AGBL2: variants seen among roughly 807,000 people sequenced by gnomAD.
AGBL2 encodes cytosolic carboxypeptidase 2.
Under a neutral mutation model 103.0 loss-of-function variants are expected in AGBL2, and 87 were observed. The observed-to-expected ratio is 0.84, with a 90% confidence interval of 0.71 to 1.01. AGBL2 has a LOEUF of 1.01. Among genes scored for constraint, AGBL2 ranks in the 50% least tolerant of loss-of-function variants. The probability of loss-of-function intolerance (pLI) is 0.00; values close to 1 mark genes in which losing one functional copy is unlikely to be tolerated. For missense variants in AGBL2, 904 were observed against 1,023.5 expected (o/e 0.88, Z 1.59); for synonymous variants, 335 against 356.7 (o/e 0.94, Z 0.69).
intron 14 of AGBL2, among the ~76,000 whole-genome samples, chr11:47,676,871 TCAAAAC>T (rs2097377488): frequency 6.7e-6 from 1 of 149,722 alleles, no homozygotes; most frequent in African/African-American, 2.5e-5. Flanking sequence ...ATTTCTCTAC[TCAAAAC>T]CTTCCAAAGG....
chr11:47,665,763 A>T (rs1274523244), intron 17 of AGBL2, among the ~76,000 whole-genome samples: 2 of 151,952 alleles, frequency 1.3e-5, no homozygotes, highest in Admixed American at 1.3e-4. Flanking sequence ...TAATCCCAGC[A>T]CTTTGGGAGG....
intron 3 of AGBL2, among the ~76,000 whole-genome samples, chr11:47,713,746 G>A (rs1002597537): frequency 5.3e-5 from 8 of 150,720 alleles, no homozygotes; most frequent in Non-Finnish European, 4.4e-5. Context: ...CCACCACCAC[G>A]CCCGGCTAAT....
intron 16 of AGBL2, 57 bp downstream of exon 16, chr11:47,667,514 C>T (rs2097344476): frequency 6.3e-7 from 1 of 1,585,048 alleles, no homozygotes; most frequent in Non-Finnish European, 8.6e-7. Context: ...CTTTCCTTAT[C>T]CCTCTATGGA....
chr11:47,663,092 G>T lies in AGBL2; in HGVS notation c.2469C>A (p.Asp823Glu). ...TTGATGGGTCCAGGGGGGTGTCTTTGTCTCTTCTATTTAAATTTGTCTAAA... is the reference window on the plus strand; with the variant it reads ...TTGATGGGTCCAGGGGGGTGTCTTTTTCTCTTCTATTTAAATTTGTCTAAA... ...RLNETNLNRR[D>E]KDTPLDPSMA... The change falls in exon 18 of 19, where the codon GAC becomes GAA. Residue 823 changes from aspartate to glutamate, a missense_variant. By Grantham distance (45) the Asp-to-Glu change is conservative. Transcript: ENST00000525123. 6.3e-7 allele frequency: 1 copy of T among 1,591,892 alleles called. No individual in the cohort carries two copies. The highest frequency in any genetic ancestry group is 8.5e-7 in the Non-Finnish European group (1 of 1,175,142).
At position 47,714,688 on chromosome 11, in the gene AGBL2, C is replaced by T. The variant is rs763336477; in HGVS notation, c.-38G>A. 1.9e-6 allele frequency: 3 copies of T among 1,607,296 alleles called. No individual in the cohort carries two copies. On this transcript the variant is annotated 5_prime_UTR_variant, in exon 2 of 19. It removes an upstream start codon present in the reference 5' UTR. Transcript: ENST00000525123. The stretch of plus-strand genomic sequence containing the variant: ...TGGTAGGCTGAAAACTAGTCAGTGA[C>T]ATTAGCATCCAGTCGCAAACCCTGC...
intron 3 of AGBL2, chr11:47,711,044 A>G (rs931988373): frequency 3.1e-6 from 1 of 318,570 alleles, no homozygotes; most frequent in East Asian, 9.0e-5. Context: ...AAACCTGCAC[A>G]TGTACCCTCT....
intron 13 of AGBL2, among the ~76,000 whole-genome samples, chr11:47,679,412 G>A (rs2097392597): frequency 6.6e-6 from 1 of 151,902 alleles, no homozygotes; most frequent in Admixed American, 6.6e-5. Flanking sequence ...AAAAGAATAG[G>A]TGTTGCCATA....
chr11:47,671,415 G>C (rs1408186812), intron 14 of AGBL2, among the ~76,000 whole-genome samples: 1 of 152,144 alleles, frequency 6.6e-6, no homozygotes, highest in Non-Finnish European at 1.5e-5. Flanking sequence ...AGCTACTCGG[G>C]AGGCTGAGGC....
intron 8 of AGBL2, among the ~76,000 whole-genome samples, chr11:47,699,162 T>G (rs1599052620): frequency 6.6e-6 from 1 of 152,060 alleles, no homozygotes; most frequent in African/African-American, 2.4e-5. Flanking sequence ...AAAAGAAATC[T>G]CCCCAAAGAT....
intron 3 of AGBL2, 188 bp downstream of exon 3, chr11:47,714,096 C>G: frequency 1.7e-6 from 1 of 580,284 alleles, no homozygotes; most frequent in Non-Finnish European, 3.1e-6. Flanking sequence ...GTGATGCTGT[C>G]TACTTGACAG....
rs1250418437 is a variant in AGBL2, at chr11:47,709,256, G to A, written c.232+1121C>T. On this transcript the variant is annotated intron_variant, in intron 4 of 18. Transcript: ENST00000525123. ...ATGTGGAAAATTGATTGGAGGGGGC[G>A]GGGCAGCACAGAACAAGAGGAGCCA... is the stretch of plus-strand genomic sequence containing the variant. Among the ~76,000 whole-genome samples, 11 of 152,148 alleles carry A rather than the reference G, an allele frequency of 7.2e-5. No individual in the cohort carries two copies. In the South Asian group the frequency reaches 8.3e-4, roughly 12 times the overall value.
intron 9 of AGBL2, among the ~76,000 whole-genome samples, chr11:47,691,477 A>C (rs935847310): frequency 1.3e-5 from 2 of 150,580 alleles, no homozygotes; most frequent in Non-Finnish European, 3.0e-5. Flanking sequence ...GGAGGCCGAG[A>C]CGGGCAGATC....
At chr11:47,712,641 C>T (rs1337736125) in intron 3 of AGBL2, among the ~76,000 whole-genome samples, 8 of 152,200 alleles carry the variant, frequency 5.3e-5, no homozygotes, top group South Asian at 4.1e-4. Flanking sequence ...CAGTGGCTCA[C>T]GCCTGTAATC....
At chr11:47,668,788 G>A (rs2153802806) in intron 15 of AGBL2, 53 bp downstream of exon 15, 1 of 1,409,304 alleles carries the variant, frequency 7.1e-7, no homozygotes, top group East Asian at 2.3e-5. Flanking sequence ...GTCTGGTAGT[G>A]TCATGACTTT....
At chr11:47,703,030 T>G (rs1382304380) in intron 7 of AGBL2, among the ~76,000 whole-genome samples, 1 of 152,168 alleles carries the variant, frequency 6.6e-6, no homozygotes, top group African/African-American at 2.4e-5. Flanking sequence ...TGCAGAAGAT[T>G]GTACTTGCTC....
intron 3 of AGBL2, among the ~76,000 whole-genome samples, chr11:47,711,717 T>C (rs58238323): frequency 1.3e-5 from 2 of 152,222 alleles, no homozygotes; most frequent in Middle Eastern, 3.4e-3. Context: ...GTATTTTTAG[T>C]AGAGGTAGGG....
chr11:47,681,648 T>C (rs539544384), intron 12 of AGBL2, among the ~76,000 whole-genome samples: 26 of 152,160 alleles, frequency 1.7e-4, no homozygotes, highest in Non-Finnish European at 3.2e-4. Context: ...TTAGTAGAGA[T>C]GGGGTTTCAC....
chr11:47,705,697 A>G (rs536976468), intron 5 of AGBL2, 63 bp from the exon 6 acceptor site: 1 of 653,618 alleles, frequency 1.5e-6, no homozygotes, highest in African/African-American at 1.8e-5. Flanking sequence ...AAAAAAGAAA[A>G]AAATGGAAAT....
At chr11:47,681,709 T>A (rs2097402026) in intron 12 of AGBL2, among the ~76,000 whole-genome samples, 1 of 152,204 alleles carries the variant, frequency 6.6e-6, no homozygotes, top group African/African-American at 2.4e-5. Flanking sequence ...CTGCCCGCCT[T>A]GGCCTCCCAA....
Sources: gnomAD v4.1 joint callset for allele counts (sites outside exome capture counted in the v4.1 genomes callset) on GRCh38, gnomAD v4.1.1 for gene constraint, MANE v1.5 for transcripts, NCBI Gene and HGNC (gene_info 2026-07-23, HGNC 2026-07-21) for gene names.